Variants in ABCA10 observed in about 807,000 individuals in gnomAD.
The protein encoded by ABCA10 is ATP-binding cassette sub-family A member 10.
A neutral mutation model predicts 187.5 loss-of-function variants in ABCA10; 169 were observed. The observed-to-expected ratio is 0.90, with a 90% CI of 0.80 to 1.02. ABCA10 has a LOEUF of 1.02. ABCA10 is among the 50% of genes least tolerant of loss of function. The pLI is 0.00. For missense variants in ABCA10, 1,727 were observed against 1,812.4 expected (o/e 0.95, Z 0.86); for synonymous variants, 574 against 601.8 (o/e 0.95, Z 0.68).
At chr17:69,165,581 T>C (rs1328424038) in intron 25 of ABCA10, among the ~76,000 whole-genome samples, 1 of 152,152 alleles carries the variant, frequency 6.6e-6, no homozygotes, top group Non-Finnish European at 1.5e-5. Context: ...AATTATATGG[T>C]TGTCACTTTA....
In ABCA10 at chr17:69,185,635, A is replaced by G; in HGVS notation, c.2339T>C (p.Val780Ala). Residue 780 changes from valine to alanine, a missense_variant, in exon 20 of 39, where the codon GTA (valine) becomes GCA (alanine). Coordinates refer to ENST00000690296, the MANE Select transcript of ABCA10 (RefSeq NM_001377321.1). Reference protein sequence around the residue: ...ERRALLCLLLVLGIAFIPIIL... With the variant: ...ERRALLCLLLALGIAFIPIIL... Reference sequence around the variant, plus strand: ...GATGGGGATAAAAGCAATTCCAAGTACTAGTAACCTAAGTAAAACAAAATT... The same window carrying G: ...GATGGGGATAAAAGCAATTCCAAGTGCTAGTAACCTAAGTAAAACAAAATT... 2 of 1,594,690 alleles carry G rather than the reference A, an allele frequency of 1.3e-6. No individual in the cohort carries two copies. Among genetic ancestry groups the G allele is most frequent in the Non-Finnish European group, 1.7e-6 (2 of 1,169,214 alleles).
chr17:69,211,344 TATATA>T (rs1209721045), intron 9 of ABCA10, among the ~76,000 whole-genome samples: 6 of 40,302 alleles, frequency 1.5e-4, no homozygotes, highest in Admixed American at 4.7e-4. Context: ...TATATATATA[TATATA>T]TATATATATA....
chr17:69,196,501 C>T lies in ABCA10; in HGVS notation c.1234+563G>A, dbSNP rs553075284. 55 of 167,934 alleles carry T rather than the reference C, an allele frequency of 3.3e-4. 1 individual carries two copies. In the South Asian group the frequency reaches 6.9e-3, roughly 21 times the overall value. The allele number at this position is 167,934 out of a possible 1,614,324, so 10.4% of individuals were successfully genotyped here. On this transcript the variant is annotated intron_variant, in intron 11 of 38. Transcript: ENST00000690296. Reference sequence around the variant, plus strand: ...CTCACTTCCTAGACGGGATGGTAGCCGGGAAGAGGCGCTCCTCACTTCCCA... The same window carrying T: ...CTCACTTCCTAGACGGGATGGTAGCTGGGAAGAGGCGCTCCTCACTTCCCA...
chr17:69,232,953 T>C (rs1018798290), upstream of ABCA10: 2 of 152,230 alleles, frequency 1.3e-5, no homozygotes, highest in African/African-American at 2.4e-5. Context: ...TTTCCTTATA[T>C]GCTATTTGCT....
At position 69,148,293 on chromosome 17, in the gene ABCA10, T is replaced by C. The variant is rs902816861; in HGVS notation, c.*534A>G. 1 of 152,392 alleles carries C rather than the reference T, an allele frequency of 6.6e-6. No individual in the cohort carries two copies. The highest frequency in any genetic ancestry group is 2.4e-5 in the African/African-American group (1 of 41,388). The allele number at this position is 152,392 out of a possible 1,614,324, so 9.4% of individuals were successfully genotyped here. ...ACTTTCTTACAGATTATGGCTATCT[T>C]CTTCCATATAACTTCAATATGTACT... On this transcript the variant is annotated 3_prime_UTR_variant, in exon 39 of 39. Coordinates refer to ENST00000690296, the MANE Select transcript of ABCA10 (RefSeq NM_001377321.1).
At chr17:69,164,335 G>A (rs776430864) in intron 26 of ABCA10, among the ~76,000 whole-genome samples, 181 bp from the exon 27 acceptor site, 22 of 152,108 alleles carry the variant, frequency 1.4e-4, no homozygotes, top group Admixed American at 3.9e-4. Context: ...TCTTTCCTTA[G>A]TTATGAACTC....
intron 10 of ABCA10, 37 bp downstream of exon 10, chr17:69,201,463 C>T (rs1466430169): frequency 1.3e-6 from 2 of 1,482,948 alleles, no homozygotes; most frequent in Non-Finnish European, 1.8e-6. Flanking sequence ...TAAGCTTTTA[C>T]CTATAAGTGT....
At chr17:69,150,876 C>G (rs114108750) in intron 36 of ABCA10, among the ~76,000 whole-genome samples, 1 of 152,190 alleles carries the variant, frequency 6.6e-6, no homozygotes, top group Non-Finnish European at 1.5e-5. Context: ...GTTCTAGATA[C>G]TCCTCAGTCT....
intron 10 of ABCA10, among the ~76,000 whole-genome samples, chr17:69,198,072 G>A (rs1446792381): frequency 6.6e-6 from 1 of 151,544 alleles, no homozygotes; most frequent in Non-Finnish European, 1.5e-5. Flanking sequence ...CTAAGAGCCT[G>A]AGAGGCATCC....
Position 69,201,688 on chromosome 17 carries a change from T to G in ABCA10, c.1007-20A>C. 1.3e-6 allele frequency: 2 copies of G among 1,563,490 alleles called. No individual in the cohort carries two copies. The highest frequency in any genetic ancestry group is 1.7e-6 in the Non-Finnish European group (2 of 1,151,214). On this transcript the variant is annotated intron_variant, in intron 9 of 38. Coordinates refer to ENST00000690296, the MANE Select transcript of ABCA10 (RefSeq NM_001377321.1). ...CTTTATCTAATTAATTAAGATACAA[T>G]TACATATTGCATCAATTATACCACA...
chr17:69,154,529 A>G (rs2074158886), intron 30 of ABCA10, among the ~76,000 whole-genome samples: 1 of 148,724 alleles, frequency 6.7e-6, no homozygotes, highest in Admixed American at 6.9e-5. Context: ...GGCTCAAGCG[A>G]TCTTCCTGCA....
rs1161629463 is a variant in ABCA10, at chr17:69,221,776, G to C, written c.303+16C>G. ...GAATACAGATTTAAAATATAGCTTTGAAGTTAGGCACTTACTTCTATAATT... is the reference window on the plus strand; with the variant it reads ...GAATACAGATTTAAAATATAGCTTTCAAGTTAGGCACTTACTTCTATAATT... On this transcript the variant is annotated intron_variant, in intron 5 of 38. Transcript: ENST00000690296. 1.3e-6 allele frequency: 2 copies of C among 1,588,874 alleles called. No individual in the cohort carries two copies. Among genetic ancestry groups the C allele is most frequent in the East Asian group, 2.2e-5 (1 of 44,688 alleles).
intron 9 of ABCA10, among the ~76,000 whole-genome samples, chr17:69,202,531 A>T (rs1328313867): frequency 1.3e-5 from 2 of 152,206 alleles, no homozygotes; most frequent in African/African-American, 4.8e-5. Flanking sequence ...GATCAGATGT[A>T]GGAAGCATGG....
chr17:69,206,121 T>C (rs1343482276), intron 9 of ABCA10, among the ~76,000 whole-genome samples: 1 of 151,818 alleles, frequency 6.6e-6, no homozygotes, highest in Non-Finnish European at 1.5e-5. Context: ...ATTATTGTTC[T>C]TATTAAAGCT....
Position 69,201,564 on chromosome 17 carries a change from C to T in ABCA10, c.1111G>A (p.Glu371Lys). ...TCAAAAGAATCATCAGAGGAATGCT[C>T]AGGATTTATTTCATTCTCAAAGATT... ...HEIFENEINP[E>K]HSSDDSFEPV... is the part of the protein sequence containing the mutation. Residue 371 changes from glutamate (E) to lysine (K), a missense_variant, in exon 10 of 39, where the codon GAG becomes AAG. Transcript: ENST00000690296. The T allele has an allele frequency of 6.2e-7, 1 of 1,612,212 alleles. No individual in the cohort carries two copies. Among genetic ancestry groups the T allele is most frequent in the Non-Finnish European group, 8.5e-7 (1 of 1,179,478 alleles).
intron 10 of ABCA10, among the ~76,000 whole-genome samples, chr17:69,200,170 G>T (rs1292785532): frequency 2.6e-5 from 4 of 152,076 alleles, no homozygotes; most frequent in Non-Finnish European, 5.9e-5. Flanking sequence ...AGTATATTTG[G>T]GATATTCCTA....
At chr17:69,229,379 T>C (rs1186620246), upstream of ABCA10, among the ~76,000 whole-genome samples, 1 of 152,032 alleles carries the variant, frequency 6.6e-6, no homozygotes, top group Non-Finnish European at 1.5e-5. Context: ...ATCAAGACAA[T>C]GATATCTGAT....
At chr17:69,199,280 A>G (rs1294068820) in intron 10 of ABCA10, among the ~76,000 whole-genome samples, 1 of 151,620 alleles carries the variant, frequency 6.6e-6, no homozygotes, top group African/African-American at 2.4e-5. Context: ...TCAGTTATCT[A>G]TTTTAGTATC....
At chr17:69,213,496 G>C (rs1012143575) in intron 9 of ABCA10, among the ~76,000 whole-genome samples, 3 of 152,150 alleles carry the variant, frequency 2.0e-5, no homozygotes, top group Non-Finnish European at 4.4e-5. Flanking sequence ...AGATAGCCAG[G>C]AAAGTGGGGG....
Sources: gnomAD v4.1 joint callset for allele counts (sites outside exome capture counted in the v4.1 genomes callset) on GRCh38, gnomAD v4.1.1 for gene constraint, MANE v1.5 for transcripts, NCBI Gene and HGNC (gene_info 2026-07-23, HGNC 2026-07-21) for gene names.